INTS14: variants seen among roughly 807,000 people sequenced by gnomAD.
INTS14 encodes the protein UPF0464 protein C15orf44.
INTS14 carries 27 observed loss-of-function variants against 56.9 expected under a neutral mutation model. The observed-to-expected ratio is 0.47, with a 90% CI of 0.35 to 0.65. The LOEUF (loss-of-function observed/expected upper bound fraction) is 0.65, where lower values mean the gene tolerates loss of function less well. Among genes scored for constraint, INTS14 ranks in the 30% least tolerant of loss-of-function variants. The pLI, the probability that INTS14 is intolerant of heterozygous loss-of-function variation, is 0.00. For synonymous variants in INTS14, 207 were observed against 236.2 expected (o/e 0.88, Z 1.13); for missense variants, 517 against 632.2 (o/e 0.82, Z 1.95).
chr15:65,579,676 A>G lies in INTS14; in HGVS notation c.1306-17T>C. ...GTTCAGCTCCTGAAACAAGACAGAA[A>G]ATCACCAATGCTCCTGAAATGTGTT... On this transcript the variant is annotated splice_polypyrimidine_tract_variant and intron_variant, in intron 11 of 11. Coordinates refer to ENST00000313182, the MANE Select transcript of INTS14 (RefSeq NM_001394796.1). 1 of 1,606,686 alleles carries G rather than the reference A, an allele frequency of 6.2e-7. No individual in the cohort carries two copies.
intron 9 of INTS14, among the ~76,000 whole-genome samples, chr15:65,587,326 C>G (rs1400174963): frequency 6.7e-6 from 1 of 150,180 alleles, no homozygotes; most frequent in Non-Finnish European, 1.5e-5. Context: ...ATTTATGAAG[C>G]AGGAGGATGG....
chr15:65,586,251 CTCTT>C (rs2072818700), intron 9 of INTS14, among the ~76,000 whole-genome samples: 1 of 152,198 alleles, frequency 6.6e-6, no homozygotes, highest in African/African-American at 2.4e-5. Flanking sequence ...TTCAACTTCT[CTCTT>C]TATAGCAACT....
chr15:65,592,721 A>G (rs750072283), intron 8 of INTS14, among the ~76,000 whole-genome samples: 1 of 152,182 alleles, frequency 6.6e-6, no homozygotes, highest in Non-Finnish European at 1.5e-5. Context: ...ACATAATAAA[A>G]TGCTCAATGT....
intron 1 of INTS14, among the ~76,000 whole-genome samples, chr15:65,609,245 G>A (rs1016485863): frequency 3.3e-5 from 5 of 152,158 alleles, no homozygotes; most frequent in Admixed American, 2.0e-4. Context: ...GAGCCACCGC[G>A]CCCAGCCAAA....
intron 1 of INTS14, among the ~76,000 whole-genome samples, chr15:65,609,080 C>T (rs186778721): frequency 1.1e-4 from 17 of 152,190 alleles, no homozygotes; most frequent in African/African-American, 2.9e-4. Context: ...TCACCACACT[C>T]GGCTAATTTT....
At chr15:65,581,913 G>GAA in intron 11 of INTS14, 41 bp downstream of exon 11, 1 of 1,597,170 alleles carries the variant, frequency 6.3e-7, no homozygotes, top group South Asian at 1.1e-5. Flanking sequence ...TTACTGTCGT[G>GAA]AACCATATAT....
At chr15:65,582,208 A>T (rs1301854229) in intron 10 of INTS14, among the ~76,000 whole-genome samples, 189 bp from the exon 11 acceptor site, 1 of 152,208 alleles carries the variant, frequency 6.6e-6, no homozygotes, top group African/African-American at 2.4e-5. Context: ...AAAAGGCTTG[A>T]CAGTAAAATA....
Position 65,582,325 on chromosome 15 carries a change from T to A in INTS14, c.1240-306A>T, listed in dbSNP as rs147934690. Among the ~76,000 whole-genome samples, 885 of 152,252 alleles carry A rather than the reference T, an allele frequency of 5.8e-3. 16 individuals are homozygous for A. Among genetic ancestry groups the A allele is most frequent in the Non-Finnish European group, 5.6e-3 (379 of 68,012 alleles). Reference sequence around the variant, plus strand: ...AGACGATTCAATGGGGAAAAAATAGTCTCTTCAACATTTGGTGCTGAGACA... The same window carrying A: ...AGACGATTCAATGGGGAAAAAATAGACTCTTCAACATTTGGTGCTGAGACA... On this transcript the variant is annotated intron_variant, in intron 10 of 11. Transcript: ENST00000313182.
chr15:65,598,535 G>C, intron 5 of INTS14, 72 bp from the exon 6 acceptor site: 19 of 1,468,874 alleles, frequency 1.3e-5, no homozygotes, highest in Non-Finnish European at 1.8e-5. Context: ...CAGGACGCAA[G>C]GGTTGTTTTC....
chr15:65,586,504 T>C (rs1203939456), intron 9 of INTS14: 3 of 152,262 alleles, frequency 2.0e-5, no homozygotes, highest in Non-Finnish European at 4.4e-5. Context: ...ATAGTGGTTT[T>C]TGTAGACCCT....
intron 9 of INTS14, among the ~76,000 whole-genome samples, chr15:65,589,605 ATC>A (rs1423798635): frequency 6.6e-6 from 1 of 152,172 alleles, no homozygotes; most frequent in East Asian, 1.9e-4. Context: ...GTAACTTTGT[ATC>A]TGTTACCTCT....
intron 9 of INTS14, among the ~76,000 whole-genome samples, chr15:65,588,456 G>A (rs987868060): frequency 1.3e-5 from 2 of 152,060 alleles, no homozygotes; most frequent in African/African-American, 4.8e-5. Context: ...CTTGAGGTCA[G>A]GAGTTTGAGA....
chr15:65,579,459 G>T lies in INTS14; in HGVS notation c.1506C>A (p.Asn502Lys). The T allele has an allele frequency of 6.2e-7, 1 of 1,614,242 alleles. No individual in the cohort carries two copies. The highest frequency in any genetic ancestry group is 8.5e-7 in the Non-Finnish European group (1 of 1,180,032). ...GTSEYAAYDQ[N>K]ITPLHTDFSG... ...AGAAGTCCGTGTGCAAAGGTGTGAT[G>T]TTCTGGTCATAAGCGGCATACTCAG... Residue 502 changes from asparagine to lysine, a missense_variant, in exon 12 of 12, where the codon AAC becomes AAA. Coordinates refer to ENST00000313182, the MANE Select transcript of INTS14 (RefSeq NM_001394796.1).
chr15:65,606,044 A>G, intron 2 of INTS14, among the ~76,000 whole-genome samples: 1 of 151,834 alleles, frequency 6.6e-6, no homozygotes, highest in Non-Finnish European at 1.5e-5. Context: ...TCATGAGGTC[A>G]GGAGATCGAG....
At chr15:65,610,594 C>T (rs2073880239) in intron 1 of INTS14, 3 of 1,405,552 alleles carry the variant, frequency 2.1e-6, no homozygotes, top group Non-Finnish European at 2.9e-6. Flanking sequence ...GTAATTCTTC[C>T]CTGAAGGTGA....
chr15:65,604,011 T>G (rs537804296), intron 3 of INTS14, among the ~76,000 whole-genome samples: 1 of 152,364 alleles, frequency 6.6e-6, no homozygotes, highest in Admixed American at 6.5e-5. Context: ...CAGTTATCTT[T>G]TTCTGCTACT....
chr15:65,595,712 A>G, intron 7 of INTS14, 21 bp downstream of exon 7: 1 of 1,561,620 alleles, frequency 6.4e-7, no homozygotes, highest in Non-Finnish European at 8.8e-7. Flanking sequence ...CTTCAGACGT[A>G]TCAGTGGAAT....
At chr15:65,609,369 G>A (rs182738863) in intron 1 of INTS14, among the ~76,000 whole-genome samples, 24 of 152,058 alleles carry the variant, frequency 1.6e-4, no homozygotes, top group Non-Finnish European at 2.9e-4. Flanking sequence ...AGTTCCTGAA[G>A]GATGGTTCAC....
intron 3 of INTS14, among the ~76,000 whole-genome samples, chr15:65,602,980 G>A (rs2073497042): frequency 6.6e-6 from 1 of 152,142 alleles, no homozygotes; most frequent in Non-Finnish European, 1.5e-5. Context: ...CTTAAAATCT[G>A]AATTTCTCCT....
Sources: gnomAD v4.1 joint callset for allele counts (sites outside exome capture counted in the v4.1 genomes callset) on GRCh38, gnomAD v4.1.1 for gene constraint, MANE v1.5 for transcripts, NCBI Gene and HGNC (gene_info 2026-07-23, HGNC 2026-07-21) for gene names.